Variants in OTOGL observed in about 807,000 individuals in gnomAD.
The protein encoded by OTOGL is otogelin-like protein.
OTOGL carries 285 observed loss-of-function variants against 318.5 expected under a neutral mutation model. The ratio of observed to expected loss-of-function variants is 0.89; its 90% CI spans 0.81 to 0.99. The LOEUF (loss-of-function observed/expected upper bound fraction) is 0.99, where lower values mean the gene tolerates loss of function less well. Ranked by LOEUF, OTOGL falls within the 50% of genes least tolerant of loss-of-function variation. The pLI is 0.00. For synonymous variants in OTOGL, 987 were observed against 936.5 expected (o/e 1.05, Z -0.99); for missense variants, 2,899 against 2,845.6 (o/e 1.02, Z -0.43).
At chr12:80,375,296 T>C (rs1249195678) in intron 57 of OTOGL, among the ~76,000 whole-genome samples, 6 of 152,144 alleles carry the variant, frequency 3.9e-5, no homozygotes, top group Non-Finnish European at 7.3e-5. Context: ...AATGATAAAT[T>C]ATTGCTGCCC....
chr12:80,102,208 A>C (rs1462251409), intron 1 of OTOGL, among the ~76,000 whole-genome samples: 1 of 152,198 alleles, frequency 6.6e-6, no homozygotes, highest in East Asian at 1.9e-4. Context: ...GAATGTATAG[A>C]ATCTATCTCA....
chr12:80,274,839 C>G (rs935109997), intron 24 of OTOGL, among the ~76,000 whole-genome samples: 2 of 151,926 alleles, frequency 1.3e-5, no homozygotes, highest in Non-Finnish European at 2.9e-5. Context: ...TACCTGTGCT[C>G]TGTAAATGGA....
At chr12:80,249,451 G>A (rs1387579786) in intron 11 of OTOGL, among the ~76,000 whole-genome samples, 5 of 151,538 alleles carry the variant, frequency 3.3e-5, no homozygotes, top group African/African-American at 1.2e-4. Flanking sequence ...GCCCCTGCTG[G>A]GGGGTGCCTC....
intron 1 of OTOGL, among the ~76,000 whole-genome samples, chr12:80,126,732 G>A (rs925280599): frequency 2.6e-5 from 4 of 152,194 alleles, no homozygotes; most frequent in South Asian, 2.1e-4. Context: ...TCTTGTATTG[G>A]GTGCATATAT....
intron 1 of OTOGL, among the ~76,000 whole-genome samples, chr12:80,100,052 G>A (rs1000290025): frequency 2.0e-5 from 3 of 152,128 alleles, no homozygotes; most frequent in Admixed American, 6.6e-5. Flanking sequence ...CCCATTTTCT[G>A]TTACTCTTGG....
Position 80,352,210 on chromosome 12 carries a change from G to C in OTOGL, c.5266-85G>C, listed in dbSNP as rs1889591440. ...AATGAATATTAACTTGCTACCCTTT[G>C]ATTCTCCAAATAATCTTAGTCTAGC... is the stretch of plus-strand genomic sequence containing the variant. On this transcript the variant is annotated intron_variant, in intron 44 of 58. Transcript: ENST00000547103. 3 of 1,255,664 alleles carry C rather than the reference G, an allele frequency of 2.4e-6. No individual in the cohort carries two copies. The Admixed American group carries it at 8.5e-5, about 35-fold the overall frequency. The allele number at this position is 1,255,664 out of a possible 1,614,324, so 77.8% of individuals were successfully genotyped here. A position where few individuals can be genotyped will look rare whatever the true frequency, so the allele number is the denominator to read the frequency against.
At chr12:80,355,460 G>A (rs1484587903) in intron 46 of OTOGL, among the ~76,000 whole-genome samples, 1 of 151,998 alleles carries the variant, frequency 6.6e-6, no homozygotes, top group Non-Finnish European at 1.5e-5. Context: ...CTGGCCTGAA[G>A]CAGTCCTCCC....
At chr12:80,239,467 A>C (rs1336881184) in intron 11 of OTOGL, 28 bp downstream of exon 11, 9 of 1,474,514 alleles carry the variant, frequency 6.1e-6, no homozygotes, top group Non-Finnish European at 8.3e-6. Context: ...TAGTTGTAAT[A>C]AAATTTTCTT....
At chr12:80,320,151 A>G (rs950810145) in intron 33 of OTOGL, among the ~76,000 whole-genome samples, 9 of 152,042 alleles carry the variant, frequency 5.9e-5, no homozygotes, top group African/African-American at 2.2e-4. Flanking sequence ...TTTTTCCCCC[A>G]AGGACAAAAT....
chr12:80,107,415 A>C (rs1381330396), intron 1 of OTOGL, among the ~76,000 whole-genome samples: 3 of 152,132 alleles, frequency 2.0e-5, no homozygotes, highest in African/African-American at 7.2e-5. Context: ...CTATTATTAA[A>C]GTGAAAAAAT....
chr12:80,169,320 A>G (rs1455218431), intron 1 of OTOGL, among the ~76,000 whole-genome samples: 5 of 152,054 alleles, frequency 3.3e-5, no homozygotes, highest in African/African-American at 9.7e-5. Flanking sequence ...CCATTGCAGT[A>G]GCTGCTGCCT....
intron 14 of OTOGL, 112 bp from the exon 15 acceptor site, chr12:80,254,412 T>G (rs1293527432): frequency 1.7e-6 from 1 of 577,666 alleles, no homozygotes; most frequent in East Asian, 3.2e-5. Flanking sequence ...TAAGTCAGAT[T>G]ATTCTGAACC....
chr12:80,216,745 C>T (rs939956074), intron 4 of OTOGL, among the ~76,000 whole-genome samples: 7 of 152,072 alleles, frequency 4.6e-5, no homozygotes, highest in Non-Finnish European at 8.8e-5. Context: ...TAAGTAATTA[C>T]GGAGTCAGGA....
At position 80,359,404 on chromosome 12, in the gene OTOGL, C is replaced by T. The variant is rs142701636; in HGVS notation, c.6267+504C>T. The stretch of plus-strand genomic sequence containing the variant: ...ACTTATTTAATCCTTAAATGTATCC[C>T]GTGGTACTTTACAAGTCTTTGTTTT... On this transcript the variant is annotated intron_variant, in intron 52 of 58. Coordinates refer to ENST00000547103, the MANE Select transcript of OTOGL (RefSeq NM_001378609.3). Among the ~76,000 whole-genome samples the T allele has an allele frequency of 1.8e-3, 271 of 152,198 alleles. 1 individual carries two copies. Among genetic ancestry groups the T allele is most frequent in the African/African-American group, 4.0e-3 (165 of 41,528 alleles).
At chr12:80,335,878 T>C (rs1479364626) in intron 38 of OTOGL, 85 bp from the exon 39 acceptor site, 2 of 1,250,064 alleles carry the variant, frequency 1.6e-6, no homozygotes, top group Non-Finnish European at 1.1e-6. Context: ...ATGTACACCA[T>C]GGGCAATATG....
chr12:80,208,713 G>A (rs1877004278), intron 1 of OTOGL, among the ~76,000 whole-genome samples: 2 of 152,130 alleles, frequency 1.3e-5, no homozygotes, highest in Non-Finnish European at 2.9e-5. Context: ...GGGTGTGAAG[G>A]GAAAGTTTTC....
intron 11 of OTOGL, among the ~76,000 whole-genome samples, chr12:80,250,586 G>A (rs559649868): frequency 5.9e-5 from 9 of 152,200 alleles, no homozygotes; most frequent in African/African-American, 1.9e-4. Flanking sequence ...TGTAGGTTTA[G>A]AATATTTTCT....
At chr12:80,109,562 A>G (rs1869701065) in intron 1 of OTOGL, among the ~76,000 whole-genome samples, 1 of 152,126 alleles carries the variant, frequency 6.6e-6, no homozygotes, top group Non-Finnish European at 1.5e-5. Context: ...ATGAAAGAGG[A>G]TTTCATTATT....
chr12:80,298,853 C>T (rs1885580562), intron 27 of OTOGL, among the ~76,000 whole-genome samples: 1 of 152,124 alleles, frequency 6.6e-6, no homozygotes, highest in Non-Finnish European at 1.5e-5. Flanking sequence ...ACTATGGAGG[C>T]TCTTGAATGG....
Sources: allele counts gnomAD v4.1 joint callset (sites outside exome capture counted in the v4.1 genomes callset), GRCh38; gene constraint gnomAD v4.1.1; transcripts MANE v1.5; gene names NCBI Gene and HGNC (gene_info 2026-07-23, HGNC 2026-07-21).